The following AK8 variants were observed in gnomAD, a reference collection of about 807,000 sequenced individuals.
AK8 encodes ATP-AMP transphosphorylase 8.
Under a neutral mutation model 54.6 loss-of-function variants are expected in AK8, and 44 were observed. The observed-to-expected ratio is 0.81, with a 90% confidence interval of 0.63 to 1.04. The LOEUF is 1.04. Among genes scored for constraint, AK8 ranks in the 50% least tolerant of loss-of-function variants. AK8 has a pLI of 0.00. For synonymous variants in AK8, 239 were observed against 245.6 expected (o/e 0.97, Z 0.25); for missense variants, 555 against 613.6 (o/e 0.90, Z 1.01).
At chr9:132,800,919 C>CTTTTTTT (rs34462868) in intron 10 of AK8, among the ~76,000 whole-genome samples, 1 of 123,814 alleles carries the variant, frequency 8.1e-6, no homozygotes, top group East Asian at 2.3e-4. Flanking sequence ...TCAGTTTGTC[C>CTTTTTTT]TTTTTTTTTT....
chr9:132,818,179 T>C (rs1258863400), intron 9 of AK8, among the ~76,000 whole-genome samples: 1 of 152,088 alleles, frequency 6.6e-6, no homozygotes, highest in Non-Finnish European at 1.5e-5. Context: ...CTGAGAAAAT[T>C]TGTCACCAGC....
intron 11 of AK8, among the ~76,000 whole-genome samples, chr9:132,782,038 G>A (rs1440728476): frequency 2.6e-5 from 4 of 152,084 alleles, no homozygotes; most frequent in Non-Finnish European, 5.9e-5. Flanking sequence ...AAGATTTTTT[G>A]TTCCTGCCTG....
At chr9:132,774,151 C>T (rs140476855) in intron 11 of AK8, among the ~76,000 whole-genome samples, 55 of 152,222 alleles carry the variant, frequency 3.6e-4, no homozygotes, top group African/African-American at 1.1e-3. Context: ...CTAGAATCCA[C>T]GCTCCTGAGA....
chr9:132,727,425 C>A lies in AK8; in HGVS notation c.1202+29G>T, dbSNP rs766218182. 1.9e-6 allele frequency: 3 copies of A among 1,611,518 alleles called. No homozygotes were observed. The African/African-American group carries it at 4.0e-5, about 22-fold the overall frequency. On this transcript the variant is annotated intron_variant, in intron 12 of 12. Coordinates refer to ENST00000298545, the MANE Select transcript of AK8 (RefSeq NM_152572.3). The stretch of plus-strand genomic sequence containing the variant: ...GGTCTGGCCCCTGGCAGTCCCCAGA[C>A]TGCCAACCACCAGGAACACAGCACA...
chr9:132,792,231 G>GT (rs1839974338), intron 11 of AK8, among the ~76,000 whole-genome samples: 1 of 152,114 alleles, frequency 6.6e-6, no homozygotes, highest in Non-Finnish European at 1.5e-5. Flanking sequence ...TGAACAAATG[G>GT]TTAACCATTT....
chr9:132,753,280 C>T (rs1166642685), intron 11 of AK8, among the ~76,000 whole-genome samples: 3 of 152,244 alleles, frequency 2.0e-5, no homozygotes, highest in Admixed American at 2.0e-4. Flanking sequence ...GCTCCACTGC[C>T]AAGAACAACC....
intron 3 of AK8, among the ~76,000 whole-genome samples, chr9:132,864,299 T>C (rs1322334235): frequency 1.3e-5 from 2 of 152,202 alleles, no homozygotes; most frequent in African/African-American, 4.8e-5. Context: ...GACACCAAAA[T>C]TGTGCTGATG....
chr9:132,835,463 C>G (rs1842286999), intron 5 of AK8, among the ~76,000 whole-genome samples: 1 of 152,216 alleles, frequency 6.6e-6, no homozygotes, highest in East Asian at 1.9e-4. Context: ...CCCTCAAACA[C>G]TTTAGACCAT....
At position 132,799,554 on chromosome 9, in the gene AK8, G is replaced by A. The variant is rs1840343899; in HGVS notation, c.980-6779C>T. ...CACCTGACACACTACAACACACACA[G>A]GCACGCACACACACAGACATGTGCT... On this transcript the variant is annotated intron_variant, in intron 10 of 12. Coordinates refer to ENST00000298545, the MANE Select transcript of AK8 (RefSeq NM_152572.3). The surrounding 1 kb of genome is among the most constrained non-coding windows in gnomAD (Gnocchi z 5.0). 6.6e-6 allele frequency among the ~76,000 whole-genome samples: 1 copy of A among 150,836 alleles called. No homozygotes were observed. Among genetic ancestry groups the A allele is most frequent in the East Asian group, 1.9e-4 (1 of 5,140 alleles).
At chr9:132,809,600 T>C (rs427273) in intron 10 of AK8, among the ~76,000 whole-genome samples, 42,868 of 151,964 alleles carry the variant, frequency 0.28, 6,178 homozygotes, top group East Asian at 0.49. Context: ...CAATGGGTGG[T>C]TTGTCTCCAG....
At chr9:132,872,870 G>C (rs1267761948) in intron 2 of AK8, among the ~76,000 whole-genome samples, 1 of 152,148 alleles carries the variant, frequency 6.6e-6, no homozygotes, top group Non-Finnish European at 1.5e-5. Flanking sequence ...GCAGTGCAGT[G>C]GCGTGATCTC....
At chr9:132,785,123 T>A (rs1035516296) in intron 11 of AK8, among the ~76,000 whole-genome samples, 18 of 150,608 alleles carry the variant, frequency 1.2e-4, no homozygotes, top group African/African-American at 4.4e-4. Context: ...TTTTTTTTTT[T>A]AGATGGAGTC....
intron 11 of AK8, among the ~76,000 whole-genome samples, chr9:132,743,480 G>C (rs1837490309): frequency 2.0e-5 from 3 of 152,210 alleles, no homozygotes; most frequent in Admixed American, 1.3e-4. Context: ...GCACATTCCA[G>C]TGTTCCTCTG....
intron 2 of AK8, among the ~76,000 whole-genome samples, chr9:132,871,975 T>C (rs1843859197): frequency 6.6e-6 from 1 of 152,204 alleles, no homozygotes; most frequent in South Asian, 2.1e-4. Flanking sequence ...TGCCTCAAAT[T>C]TCTTGAAATT....
chr9:132,777,555 A>G (rs1839276438), intron 11 of AK8, among the ~76,000 whole-genome samples: 1 of 152,230 alleles, frequency 6.6e-6, no homozygotes, highest in African/African-American at 2.4e-5. Context: ...AGTTGTACAG[A>G]GTATTTTCCA....
At chr9:132,827,938 G>A in intron 7 of AK8, 75 bp downstream of exon 7, 2 of 1,458,444 alleles carry the variant, frequency 1.4e-6, no homozygotes, top group Non-Finnish European at 1.9e-6. Flanking sequence ...GCGAGGTCAG[G>A]AAATGGTAGA....
rs988818875 is a variant in AK8, at chr9:132,810,823, A to G, written c.979+3815T>C. Among the ~76,000 whole-genome samples the G allele has an allele frequency of 2.6e-5, 4 of 152,234 alleles. No individual in the cohort carries two copies. In the East Asian group the frequency reaches 7.7e-4, roughly 29 times the overall value. On this transcript the variant is annotated intron_variant, in intron 10 of 12. Transcript: ENST00000298545. Reference sequence around the variant, plus strand: ...ACTGTTCTCTTTCCAAGCAATTGCTAAAACTACAAAATTATAACGTGACTT... The same window carrying G: ...ACTGTTCTCTTTCCAAGCAATTGCTGAAACTACAAAATTATAACGTGACTT...
intron 11 of AK8, among the ~76,000 whole-genome samples, chr9:132,756,351 G>C (rs529317847): frequency 2.0e-5 from 3 of 152,182 alleles, no homozygotes; most frequent in African/African-American, 7.2e-5. Context: ...AGCTGCTGTC[G>C]GGCCCAACTC....
intron 11 of AK8, among the ~76,000 whole-genome samples, chr9:132,749,502 C>T (rs1189643163): frequency 6.6e-6 from 1 of 151,886 alleles, no homozygotes. Context: ...CTCACTGCGT[C>T]TTCATGGCAA....
Sources: gnomAD v4.1 joint callset for allele counts (sites outside exome capture counted in the v4.1 genomes callset) on GRCh38, gnomAD v4.1.1 for gene constraint, Gnocchi (gnomAD v3.1) non-coding constraint, MANE v1.5 for transcripts, NCBI Gene and HGNC (gene_info 2026-07-23, HGNC 2026-07-21) for gene names.